The following AMMECR1 variants were observed in gnomAD, a reference collection of about 807,000 sequenced individuals.
AMMECR1 encodes the protein nuclear protein AMMECR1.
In AMMECR1, 3 loss-of-function variants were observed where a neutral mutation model predicts 22.5. The ratio of observed to expected loss-of-function variants is 0.13; its 90% confidence interval spans 0.06 to 0.35. The LOEUF is 0.35. Ranked by LOEUF, AMMECR1 falls within the 10% of genes least tolerant of loss-of-function variation. AMMECR1 has a pLI of 1.00. For missense variants in AMMECR1, 235 were observed against 278.7 expected (o/e 0.84, Z 1.12); for synonymous variants, 130 against 116.7 (o/e 1.11, Z -0.74).
chrX:110,388,484 G>C (rs1231876537), intron 2 of AMMECR1, among the ~76,000 whole-genome samples: 6 of 111,762 alleles, frequency 5.4e-5, no homozygotes, highest in Non-Finnish European at 1.9e-5. Context: ...CATTATGTAG[G>C]CACATGGCGC....
At chrX:110,350,770 C>T (rs887975764) in intron 2 of AMMECR1, among the ~76,000 whole-genome samples, 4 of 109,898 alleles carry the variant, frequency 3.6e-5, no homozygotes, top group African/African-American at 1.3e-4. Context: ...AGTTTCAGAA[C>T]AGCCTGAGCA....
At chrX:110,321,845 T>C (rs2068080048), upstream of AMMECR1, among the ~76,000 whole-genome samples, 1 of 112,363 alleles carries the variant, frequency 8.9e-6, no homozygotes, top group Non-Finnish European at 1.9e-5. Flanking sequence ...AATGTAATAT[T>C]CTTAGCTACC....
At chrX:110,434,468 A>T (rs1014550262) in intron 1 of AMMECR1, among the ~76,000 whole-genome samples, 6 of 111,566 alleles carry the variant, frequency 5.4e-5, no homozygotes, top group African/African-American at 1.6e-4. Context: ...CGACCGTGGC[A>T]GTGAGAGCCG....
At chrX:110,412,559 G>C (rs1261718022) in intron 2 of AMMECR1, among the ~76,000 whole-genome samples, 1 of 112,056 alleles carries the variant, frequency 8.9e-6, no homozygotes, top group Non-Finnish European at 1.9e-5. Flanking sequence ...AATGGGAAAA[G>C]TAACAATTCA....
At chrX:110,436,692 A>G (rs1163312737) in intron 1 of AMMECR1, among the ~76,000 whole-genome samples, 1 of 111,273 alleles carries the variant, frequency 9.0e-6, no homozygotes, top group Non-Finnish European at 1.9e-5. Flanking sequence ...CCAGGAGAGG[A>G]TGGGGAGGGA....
intron 2 of AMMECR1, among the ~76,000 whole-genome samples, chrX:110,375,514 G>T (rs1459982974): frequency 9.1e-6 from 1 of 110,039 alleles, no homozygotes; most frequent in Admixed American, 9.6e-5. Context: ...CGTAGTAGGG[G>T]CTCAGTAAAT....
intron 1 of AMMECR1, among the ~76,000 whole-genome samples, chrX:110,298,864 G>T (rs2067951258): frequency 9.0e-6 from 1 of 111,677 alleles, no homozygotes; most frequent in African/African-American, 3.2e-5. Context: ...AACAGCATGA[G>T]CATACTATAA....
chrX:110,302,830 C>T (rs1251961475), intron 1 of AMMECR1, among the ~76,000 whole-genome samples: 6 of 110,245 alleles, frequency 5.4e-5, no homozygotes, highest in Admixed American at 9.7e-5. Context: ...GCCGAGATCA[C>T]GCCATTGCAC....
chrX:110,258,643 A>G (rs2067722665), intron 2 of AMMECR1, among the ~76,000 whole-genome samples: 1 of 112,129 alleles, frequency 8.9e-6, no homozygotes, highest in African/African-American at 3.2e-5. Flanking sequence ...TGATACATCT[A>G]ATTTATTTCC....
intron 2 of AMMECR1, among the ~76,000 whole-genome samples, chrX:110,335,920 G>C (rs1162515684): frequency 2.7e-5 from 3 of 111,833 alleles, no homozygotes; most frequent in Admixed American, 9.5e-5. Flanking sequence ...TGATAACTGA[G>C]TGCTATAAGA....
intron 2 of AMMECR1, among the ~76,000 whole-genome samples, chrX:110,387,196 T>C (rs2068461758): frequency 8.9e-6 from 1 of 112,039 alleles, no homozygotes; most frequent in African/African-American, 3.2e-5. Context: ...GATACCACCA[T>C]TTCTTTTCAA....
At chrX:110,314,718 C>T (rs185640960) in intron 1 of AMMECR1, among the ~76,000 whole-genome samples, 1 of 112,102 alleles carries the variant, frequency 8.9e-6, no homozygotes, top group East Asian at 2.8e-4. Context: ...TTAAGTTTTC[C>T]TCATGTCTTT....
intron 2 of AMMECR1, among the ~76,000 whole-genome samples, chrX:110,343,672 G>C (rs956428671): frequency 9.0e-6 from 1 of 111,066 alleles, no homozygotes; most frequent in Non-Finnish European, 1.9e-5. Flanking sequence ...AATGTGCAAA[G>C]ATCACAAGCA....
rs764636147 is a variant in AMMECR1 at position 110,433,842 on chromosome X, C to A, written c.-294+6048G>T. 5.3e-5 allele frequency among the ~76,000 whole-genome samples: 6 copies of A among 112,276 alleles called. 1 individual carries two copies. The South Asian group carries it at 2.2e-3, about 41-fold the overall frequency. On this transcript the variant is annotated intron_variant, in intron 1 of 7. Transcript: ENST00000372057. ...GACTTAGCAACTATTATTTTTATTT[C>A]CAGTTTACAAATGAGGAAACCAGTA...
intron 2 of AMMECR1, among the ~76,000 whole-genome samples, chrX:110,238,194 A>G (rs1477175278): frequency 8.9e-6 from 1 of 111,974 alleles, no homozygotes; most frequent in Non-Finnish European, 1.9e-5. Flanking sequence ...AAAACAAGCA[A>G]AACTACTTTT....
intron 2 of AMMECR1, among the ~76,000 whole-genome samples, chrX:110,378,371 A>G (rs1043822011): frequency 6.3e-5 from 7 of 111,171 alleles, no homozygotes; most frequent in Non-Finnish European, 9.4e-5. Context: ...ATAGCCTCCT[A>G]AGCAGCCACT....
chrX:110,326,890 T>C (rs1314495879), intron 2 of AMMECR1, among the ~76,000 whole-genome samples: 1 of 111,469 alleles, frequency 9.0e-6, no homozygotes, highest in African/African-American at 3.3e-5. Context: ...GAAAGGAGAA[T>C]TTCCATGTAA....
chrX:110,377,553 C>G (rs2068385671), intron 2 of AMMECR1, among the ~76,000 whole-genome samples: 1 of 111,884 alleles, frequency 8.9e-6, no homozygotes, highest in Non-Finnish European at 1.9e-5. Flanking sequence ...TACTATTCCC[C>G]GCCCATGTCC....
At chrX:110,408,342 G>A (rs1602978689) in intron 2 of AMMECR1, among the ~76,000 whole-genome samples, 1 of 111,942 alleles carries the variant, frequency 8.9e-6, no homozygotes, top group African/African-American at 3.3e-5. Context: ...TGCCCCCTAG[G>A]GGACTTTTGG....
Sources: gnomAD v4.1 joint callset for allele counts (sites outside exome capture counted in the v4.1 genomes callset) on GRCh38, gnomAD v4.1.1 for gene constraint, MANE v1.5 for transcripts, NCBI Gene and HGNC (gene_info 2026-07-23, HGNC 2026-07-21) for gene names.